Variants in ENOSF1 observed in about 807,000 individuals in gnomAD.
The protein encoded by ENOSF1 is mitochondrial enolase superfamily member 1.
In ENOSF1, 73 loss-of-function variants were observed where a neutral mutation model predicts 68.2. That is an observed-to-expected ratio of 1.07 (90% CI 0.89 to 1.30). The LOEUF is 1.30. Ranked by LOEUF, ENOSF1 falls within the 50% of genes most tolerant of loss-of-function variation. ENOSF1 has a pLI of 0.00. For missense variants in ENOSF1, 589 were observed against 554.5 expected, an observed-to-expected ratio of 1.06 and a Z score of -0.62; for synonymous variants, 223 against 210.4, an observed-to-expected ratio of 1.06 and a Z score of -0.52.
At chr18:706,393 A>G in intron 2 of ENOSF1, 77 bp downstream of exon 2, 1 of 967,302 alleles carries the variant, frequency 1.0e-6, no homozygotes. Context: ...TCAAGATTCT[A>G]ATGAATCTAA....
chr18:691,117 T>G lies in ENOSF1; in HGVS notation c.497-11A>C. ...CTTTCTGCAGTATTTCTGGAAGAAA[T>G]AAAAAGCATCACTCACTCTTTTAGG... On this transcript the variant is annotated splice_polypyrimidine_tract_variant and intron_variant, in intron 6 of 15. Coordinates refer to ENST00000647584, the MANE Select transcript of ENOSF1 (RefSeq NM_017512.7). 2.5e-6 allele frequency: 4 copies of G among 1,614,130 alleles called. No homozygotes were observed. The highest frequency in any genetic ancestry group is 1.1e-5 in the South Asian group (1 of 91,072).
chr18:674,038 C>T lies in ENOSF1; in HGVS notation c.*267G>A. ...TACAGTTTAATGTCTAGGTGCCAGCCCTTGATATAGCTATTTTTGTAAGAA... is the reference window on the plus strand; with the variant it reads ...TACAGTTTAATGTCTAGGTGCCAGCTCTTGATATAGCTATTTTTGTAAGAA... On this transcript the variant is annotated 3_prime_UTR_variant, in exon 16 of 16. Transcript: ENST00000647584. 1 of 302,144 alleles carries T rather than the reference C, an allele frequency of 3.3e-6. No homozygotes were observed. The highest frequency in any genetic ancestry group is 6.1e-6 in the Non-Finnish European group (1 of 164,484). 18.7% of individuals were successfully genotyped at this position (302,144 alleles called of 1,614,324 possible). A position where few individuals can be genotyped will look rare whatever the true frequency, so the allele number is the denominator to read the frequency against.
chr18:703,442 G>A (rs2847325), intron 2 of ENOSF1, among the ~76,000 whole-genome samples: 94,607 of 151,974 alleles, frequency 0.62, 30,016 homozygotes, highest in African/African-American at 0.77. Context: ...GTGCTGTAGG[G>A]TTTGCAGTAT....
At chr18:704,461 C>T (rs928638813) in intron 2 of ENOSF1, among the ~76,000 whole-genome samples, 1 of 95,662 alleles carries the variant, frequency 1.0e-5, no homozygotes, top group Non-Finnish European at 2.2e-5. Flanking sequence ...AAAAAAAGAA[C>T]AGCCTAATAT....
At chr18:689,146 C>T (rs896887181) in intron 8 of ENOSF1, among the ~76,000 whole-genome samples, 5 of 152,118 alleles carry the variant, frequency 3.3e-5, no homozygotes, top group African/African-American at 1.2e-4. Flanking sequence ...CTGGTGCTGC[C>T]CAGGAATCTT....
chr18:710,830 G>A (rs955494769), intron 1 of ENOSF1, among the ~76,000 whole-genome samples: 4 of 152,208 alleles, frequency 2.6e-5, no homozygotes, highest in Non-Finnish European at 5.9e-5. Flanking sequence ...CTTCACAGAG[G>A]CAAAGGCAGT....
intron 13 of ENOSF1, 133 bp from the exon 14 acceptor site, chr18:677,577 A>T: frequency 7.8e-7 from 1 of 1,288,878 alleles, no homozygotes; most frequent in Non-Finnish European, 1.1e-6. Flanking sequence ...GGAAATTCCA[A>T]GATGAAAATC....
intron 2 of ENOSF1, 97 bp from the exon 3 acceptor site, chr18:697,452 T>C (rs1242978803): frequency 5.8e-6 from 6 of 1,040,122 alleles, no homozygotes; most frequent in Middle Eastern, 2.1e-4. Flanking sequence ...GAAAGTTTTA[T>C]GAAAAAATTA....
chr18:681,749 T>C (rs1434502970), intron 11 of ENOSF1, among the ~76,000 whole-genome samples: 1 of 152,224 alleles, frequency 6.6e-6, no homozygotes, highest in African/African-American at 2.4e-5. Flanking sequence ...ACTTTTCTAC[T>C]GTGCTTGGCA....
chr18:672,721 G>A lies in ENOSF1; in HGVS notation c.*1584C>T, dbSNP rs1413316046. 14 of 921,094 alleles carry A rather than the reference G, an allele frequency of 1.5e-5. No homozygotes were observed. Among genetic ancestry groups the A allele is most frequent in the Non-Finnish European group, 1.9e-5 (12 of 632,452 alleles). 57.1% of individuals were successfully genotyped at this position (921,094 alleles called of 1,614,324 possible). On this transcript the variant is annotated 3_prime_UTR_variant, in exon 16 of 16. Coordinates refer to ENST00000647584, the MANE Select transcript of ENOSF1 (RefSeq NM_017512.7). ...GCTCCAATCATGTTACATAACCTAC[G>A]GCAAGGTATCGACAGGATCATACTC... is the stretch of plus-strand genomic sequence containing the variant.
At chr18:693,798 TA>T (rs2077443451) in intron 5 of ENOSF1, 83 bp downstream of exon 5, 1 of 1,597,496 alleles carries the variant, frequency 6.3e-7, no homozygotes, top group African/African-American at 1.3e-5. Context: ...GTCCTGAATA[TA>T]TTTACTGATC....
chr18:676,358 G>A (rs1598515615), intron 14 of ENOSF1, among the ~76,000 whole-genome samples: 1 of 152,316 alleles, frequency 6.6e-6, no homozygotes, highest in East Asian at 1.9e-4. Context: ...TGGATCATGG[G>A]AAGTGGTCCT....
downstream of ENOSF1, chr18:669,434 G>A (rs924900673): frequency 3.0e-5 from 10 of 329,590 alleles, no homozygotes; most frequent in Middle Eastern, 1.9e-3. Context: ...ATGCAACGGC[G>A]TGATCTTGGC....
rs116153058 is a variant in ENOSF1, at chr18:670,533, C to T, written c.*3772G>A. The T allele has an allele frequency of 1.4e-3, 963 of 698,418 alleles. 8 individuals carry two copies. The highest frequency in any genetic ancestry group is 0.011 in the South Asian group (577 of 52,642). The allele number at this position is 698,418 out of a possible 1,614,324, so 43.3% of individuals were successfully genotyped here. ...ATAGTCTCCCTCAGCTCCGTGCCATCGCTGCAGAGGCTGTTATGGACATCA... is the reference window on the plus strand; with the variant it reads ...ATAGTCTCCCTCAGCTCCGTGCCATTGCTGCAGAGGCTGTTATGGACATCA... On this transcript the variant is annotated 3_prime_UTR_variant, in exon 16 of 16. Transcript: ENST00000647584.
intron 1 of ENOSF1, chr18:712,215 G>T: frequency 2.7e-6 from 4 of 1,461,632 alleles, no homozygotes; most frequent in Non-Finnish European, 3.7e-6. Context: ...TTATACAATT[G>T]CTCCAAGGCA....
downstream of ENOSF1, among the ~76,000 whole-genome samples, chr18:667,430 AGATGGTGATGGTGATGGTGATGGTGAT>A (rs1567990571): frequency 0.046 from 79 of 1,710 alleles, 31 homozygotes; most frequent in Non-Finnish European, 0.059. Context: ...ATGGTGATGG[AGATGGTGATGGTGATGGTGATGGTGAT>A]GATGGAGATG....
At chr18:704,440 G>GAAAAAAAAAAAAAAAAAAA (rs11429267) in intron 2 of ENOSF1, among the ~76,000 whole-genome samples, 1 of 97,254 alleles carries the variant, frequency 1.0e-5, no homozygotes, top group Non-Finnish European at 2.0e-5. Context: ...AAAAAGAAAA[G>GAAAAAAAAAAAAAAAAAAA]AAAAAAAAAA....
At position 674,231 on chromosome 18, in the gene ENOSF1, T is replaced by G; in HGVS notation, c.*74A>C. 1.9e-6 allele frequency: 2 copies of G among 1,063,194 alleles called. No individual in the cohort carries two copies. Among genetic ancestry groups the G allele is most frequent in the Non-Finnish European group, 2.8e-6 (2 of 714,274 alleles). The allele number at this position is 1,063,194 out of a possible 1,614,324, so 65.9% of individuals were successfully genotyped here. On this transcript the variant is annotated 3_prime_UTR_variant, in exon 16 of 16. Coordinates refer to ENST00000647584, the MANE Select transcript of ENOSF1 (RefSeq NM_017512.7). The stretch of plus-strand genomic sequence containing the variant: ...TGATCGGTAGGATTTTTTAAATCCA[T>G]TTTTGTAAAACTATTTCCAAGAAAT...
intron 2 of ENOSF1, 87 bp from the exon 3 acceptor site, chr18:697,442 GAA>G: frequency 1.9e-6 from 2 of 1,075,880 alleles, no homozygotes; most frequent in Non-Finnish European, 2.8e-6. Context: ...AAACAAATGT[GAA>G]AGTTTTATGA....
Sources: allele counts gnomAD v4.1 joint callset (sites outside exome capture counted in the v4.1 genomes callset), GRCh38; gene constraint gnomAD v4.1.1; transcripts MANE v1.5; gene names NCBI Gene and HGNC (gene_info 2026-07-23, HGNC 2026-07-21).